Variants in SLC38A8 observed in about 807,000 individuals in gnomAD.
The protein encoded by SLC38A8 is solute carrier family 38 member 8.
Under a neutral mutation model 46.0 loss-of-function variants are expected in SLC38A8, and 65 were observed. The ratio of observed to expected loss-of-function variants is 1.41; its 90% CI spans 1.16 to 1.74. The LOEUF is 1.74. Among genes scored for constraint, SLC38A8 ranks in the 40% most tolerant of loss-of-function variants. The pLI is 0.00. For missense variants in SLC38A8, 998 were observed against 567.9 expected (o/e 1.76, Z -7.70); for synonymous variants, 447 against 243.7 (o/e 1.83, Z -7.77).
chr16:84,016,402 AT>A, intron 9 of SLC38A8, 116 bp downstream of exon 9: 2 of 1,218,634 alleles, frequency 1.6e-6, no homozygotes, highest in South Asian at 3.1e-5. Context: ...TGGGGTCTTA[AT>A]CCTACCCATA....
At chr16:84,034,246 C>T (rs1056934015) in intron 3 of SLC38A8, among the ~76,000 whole-genome samples, 2 of 152,248 alleles carry the variant, frequency 1.3e-5, no homozygotes, top group Non-Finnish European at 2.9e-5. Context: ...AGGCCAGACC[C>T]AGAATGGGCA....
chr16:84,021,905 A>T (rs895553654), intron 7 of SLC38A8, among the ~76,000 whole-genome samples: 3 of 152,212 alleles, frequency 2.0e-5, no homozygotes, highest in Non-Finnish European at 4.4e-5. Flanking sequence ...AGAGTGTCAC[A>T]TGGCAAGGGG....
chr16:84,018,992 T>G (rs78360859), intron 7 of SLC38A8, among the ~76,000 whole-genome samples: 3,677 of 152,108 alleles, frequency 0.024, 167 homozygotes, highest in African/African-American at 0.084. Flanking sequence ...TATGGGGAGG[T>G]GGCCTCTCCC....
chr16:84,042,189 C>T lies in SLC38A8; in HGVS notation c.-2-30G>A, dbSNP rs537719267. ...AGGCGGCAGAGGGGTGGAGAGAAAGCACAGTCTTCACGCTTTCCTCCCTAA... is the reference window on the plus strand; with the variant it reads ...AGGCGGCAGAGGGGTGGAGAGAAAGTACAGTCTTCACGCTTTCCTCCCTAA... On this transcript the variant is annotated intron_variant, in intron 1 of 10. Coordinates refer to ENST00000299709, the MANE Select transcript of SLC38A8 (RefSeq NM_001080442.3). 44 of 1,581,238 alleles carry T rather than the reference C, an allele frequency of 2.8e-5. No individual in the cohort carries two copies. In the South Asian group the frequency reaches 5.0e-4, roughly 18 times the overall value.
Position 84,009,670 on chromosome 16 carries a change from G to T in SLC38A8, c.*114C>A. 1 of 871,972 alleles carries T rather than the reference G, an allele frequency of 1.1e-6. No homozygotes were observed. Among genetic ancestry groups the T allele is most frequent in the Non-Finnish European group, 1.7e-6 (1 of 577,416 alleles). 54.0% of individuals were successfully genotyped at this position (871,972 alleles called of 1,614,324 possible). A position where few individuals can be genotyped will look rare whatever the true frequency, so the allele number is the denominator to read the frequency against. ...CAGCCCAAGGAGGCAGAAGGCATCA[G>T]TCTCTCCAGCATCTTTATGAGGAAA... On this transcript the variant is annotated 3_prime_UTR_variant, in exon 11 of 11. Coordinates refer to ENST00000299709, the MANE Select transcript of SLC38A8 (RefSeq NM_001080442.3).
At chr16:84,030,484 C>T (rs2085224855) in intron 5 of SLC38A8, among the ~76,000 whole-genome samples, 1 of 152,020 alleles carries the variant, frequency 6.6e-6, no homozygotes, top group Non-Finnish European at 1.5e-5. Flanking sequence ...GGACCTCTCT[C>T]TCTGAACTTC....
At chr16:84,014,187 C>A (rs537514792) in intron 9 of SLC38A8, among the ~76,000 whole-genome samples, 1 of 151,452 alleles carries the variant, frequency 6.6e-6, no homozygotes, top group African/African-American at 2.4e-5. Flanking sequence ...AAGCCCCGCC[C>A]AGAGCCAAGG....
intron 7 of SLC38A8, among the ~76,000 whole-genome samples, 191 bp from the exon 8 acceptor site, chr16:84,017,478 A>G (rs562550915): frequency 1.3e-5 from 2 of 152,140 alleles, no homozygotes; most frequent in African/African-American, 4.8e-5. Context: ...GGGATTCAAG[A>G]CCCCTGCAGA....
At chr16:84,039,745 A>G (rs1040704812) in intron 2 of SLC38A8, among the ~76,000 whole-genome samples, 1 of 17,406 alleles carries the variant, frequency 5.7e-5, no homozygotes, top group Non-Finnish European at 1.1e-4. Context: ...GAGACCTTCA[A>G]AAAAAAAAAA....
chr16:84,041,792 C>T (rs541065803), intron 2 of SLC38A8, among the ~76,000 whole-genome samples, 177 bp downstream of exon 2: 55 of 152,204 alleles, frequency 3.6e-4, no homozygotes, highest in Non-Finnish European at 6.3e-4. Flanking sequence ...ATATTCTCAT[C>T]CCAGGGCTAC....
At chr16:84,029,436 G>T (rs1335474909) in intron 6 of SLC38A8, 58 bp downstream of exon 6, 5 of 1,583,900 alleles carry the variant, frequency 3.2e-6, no homozygotes, top group Non-Finnish European at 4.3e-6. Context: ...CAAGGGAGCA[G>T]AGAGTCACCC....
rs761388176 is a variant in SLC38A8, at chr16:84,036,826, G to A, written c.264C>T (p.Tyr88=). Residue 88 remains tyrosine, a synonymous_variant, in exon 3 of 11, where the codon TAC becomes TAT. Transcript: ENST00000299709. ...CACACAGCCCCCTGACCACACCCTG[G>A]TAGGTGGCCTGGCCACTGACAGCAG... ...YAAAVSGQAT[Y]QGVVRGLCGP... 6 of 1,613,888 alleles carry A rather than the reference G, an allele frequency of 3.7e-6. No homozygotes were observed. Among genetic ancestry groups the A allele is most frequent in the Non-Finnish European group, 1.7e-6 (2 of 1,180,010 alleles).
rs1597260744 is a variant in SLC38A8 at position 84,023,667 on chromosome 16, GCA to G, written c.691-780_691-779del. ...CCAGCACTTTGGGAGGCCGAAGGGG[GCA>G]GATCACTTGAGGTCAGGAGTTTGAG... On this transcript the variant is annotated intron_variant, in intron 6 of 10. Transcript: ENST00000299709. Among the ~76,000 whole-genome samples the G allele has an allele frequency of 2.0e-5, 3 of 152,242 alleles. No homozygotes were observed. The East Asian group carries it at 5.8e-4, about 29-fold the overall frequency.
intron 4 of SLC38A8, 89 bp from the exon 5 acceptor site, chr16:84,032,057 C>T (rs765417005): frequency 5.1e-5 from 59 of 1,145,892 alleles, no homozygotes; most frequent in African/African-American, 2.1e-4. Flanking sequence ...ATCCCAGCTC[C>T]GCCCTTGACA....
At chr16:84,013,228 T>A (rs2084975329) in intron 9 of SLC38A8, among the ~76,000 whole-genome samples, 176 bp from the exon 10 acceptor site, 1 of 151,554 alleles carries the variant, frequency 6.6e-6, no homozygotes, top group Non-Finnish European at 1.5e-5. Context: ...GGGGCTGGAG[T>A]CCCAGCTCAA....
chr16:84,035,835 C>A (rs76392240), intron 3 of SLC38A8, among the ~76,000 whole-genome samples: 8,751 of 152,286 alleles, frequency 0.057, 371 homozygotes, highest in Non-Finnish European at 0.088. Context: ...TCGCAGCTGG[C>A]GATTTTAACA....
chr16:84,025,471 G>A (rs547851727), intron 6 of SLC38A8, among the ~76,000 whole-genome samples: 2 of 152,264 alleles, frequency 1.3e-5, no homozygotes, highest in East Asian at 3.9e-4. Flanking sequence ...CTCAACACGA[G>A]CGGGCTTTTC....
Position 84,016,722 on chromosome 16 carries a change from A to G in SLC38A8, c.959T>C (p.Val320Ala). The change falls in exon 9 of 11, where the codon GTG becomes GCG. Residue 320 changes from valine to alanine, a missense_variant. Transcript: ENST00000299709. ...YPIVLFLGRS[V>A]MQDFWRRSCL... ...GCTCCTCCTCCAGAAGTCCTGCATCACTGACCTGGAGGCCACAGCCAACAC... is the reference window on the plus strand; with the variant it reads ...GCTCCTCCTCCAGAAGTCCTGCATCGCTGACCTGGAGGCCACAGCCAACAC... The G allele has an allele frequency of 1.2e-6, 2 of 1,611,946 alleles. No homozygotes were observed. The highest frequency in any genetic ancestry group is 1.7e-5 in the Admixed American group (1 of 59,982).
intron 7 of SLC38A8, 56 bp downstream of exon 7, chr16:84,022,717 ACT>A (rs987823212): frequency 3.1e-6 from 4 of 1,273,866 alleles, no homozygotes; most frequent in Non-Finnish European, 4.5e-6. Context: ...ACTCGCTGTT[ACT>A]CTTGTTTCTA....
Sources: allele counts gnomAD v4.1 joint callset (sites outside exome capture counted in the v4.1 genomes callset), GRCh38; gene constraint gnomAD v4.1.1; transcripts MANE v1.5; gene names NCBI Gene and HGNC (gene_info 2026-07-23, HGNC 2026-07-21).